The following MBNL2 variants were observed in gnomAD, a reference collection of about 807,000 sequenced individuals.
MBNL2 encodes the protein muscleblind like splicing regulator 2, also known as muscleblind-like protein 2.
A neutral mutation model predicts 41.9 loss-of-function variants in MBNL2; 17 were observed. The ratio of observed to expected loss-of-function variants is 0.41; its 90% CI spans 0.28 to 0.61. MBNL2 has a LOEUF of 0.61. Ranked by LOEUF, MBNL2 falls within the 20% of genes least tolerant of loss-of-function variation. The probability of loss-of-function intolerance (pLI) is 0.35; values close to 1 mark genes in which losing one functional copy is unlikely to be tolerated. For missense variants in MBNL2, 336 were observed against 505.6 expected, an observed-to-expected ratio of 0.66 and a Z score of 3.22; for synonymous variants, 195 against 182.9, an observed-to-expected ratio of 1.07 and a Z score of -0.53.
rs191043483 is a variant in MBNL2, at chr13:97,367,389, C to T, written c.1048+2218C>T. On this transcript the variant is annotated intron_variant, in intron 8 of 8. Coordinates refer to ENST00000679496, the MANE Select transcript of MBNL2 (RefSeq NM_001382683.1). ...CCTCGCCTGGAAGAATACTTCATTG[C>T]GCATGCCCTCCCTTCACAGAAGAAC... Among the ~76,000 whole-genome samples the T allele has an allele frequency of 5.5e-4, 83 of 152,260 alleles. No individual in the cohort carries two copies. The East Asian group carries it at 0.013, about 24-fold the overall frequency.
At chr13:97,271,534 G>A (rs750391607) in intron 1 of MBNL2, among the ~76,000 whole-genome samples, 85 of 151,834 alleles carry the variant, frequency 5.6e-4, no homozygotes, top group African/African-American at 9.7e-4. Flanking sequence ...CGTGTGCCAC[G>A]GTGGTTTGCT....
the MBNL2 span, among the ~76,000 whole-genome samples, chr13:97,206,857 C>T: frequency 6.6e-6 from 1 of 152,108 alleles, no homozygotes; most frequent in Non-Finnish European, 1.5e-5. Context: ...TCAAAGTCTG[C>T]AATATGGGTT....
At chr13:97,378,057 C>G (rs898544361) in intron 8 of MBNL2, among the ~76,000 whole-genome samples, 1 of 146,906 alleles carries the variant, frequency 6.8e-6, no homozygotes, top group African/African-American at 2.7e-5. Context: ...GCACACTGAT[C>G]TAAGAATTAT....
intron 3 of MBNL2, among the ~76,000 whole-genome samples, chr13:97,342,278 T>C (rs932513799): frequency 6.6e-6 from 1 of 152,168 alleles, no homozygotes; most frequent in South Asian, 2.1e-4. Flanking sequence ...GAGAACAAAT[T>C]TAATAAGATT....
chr13:97,293,454 A>G (rs1232442559), intron 2 of MBNL2, among the ~76,000 whole-genome samples: 4 of 152,188 alleles, frequency 2.6e-5, no homozygotes, highest in East Asian at 1.9e-4. Context: ...ATGATGATCA[A>G]TGTTTGTACC....
the MBNL2 span, among the ~76,000 whole-genome samples, chr13:97,200,300 C>T: frequency 6.6e-6 from 1 of 152,178 alleles, no homozygotes; most frequent in Non-Finnish European, 1.5e-5. Context: ...GTCGATTAGC[C>T]TCATCATGCA....
intron 1 of MBNL2, among the ~76,000 whole-genome samples, chr13:97,223,454 T>C (rs2041107877): frequency 6.6e-6 from 1 of 152,238 alleles, no homozygotes; most frequent in Admixed American, 6.5e-5. Flanking sequence ...CTGCCAGGCA[T>C]GAGGAAACTG....
At chr13:97,191,129 A>G in the MBNL2 span, among the ~76,000 whole-genome samples, 19 of 151,992 alleles carry the variant, frequency 1.3e-4, no homozygotes, top group African/African-American at 4.6e-4. Flanking sequence ...CCCTATGTAG[A>G]AAGACTTTTT....
Position 97,276,293 on chromosome 13 carries a change from A to C in MBNL2, c.58A>C (p.Arg20=). The change falls in exon 2 of 9, where the codon AGA becomes CGA. Residue 20 remains arginine (R), a synonymous_variant. Coordinates refer to ENST00000679496, the MANE Select transcript of MBNL2 (RefSeq NM_001382683.1). The stretch of plus-strand genomic sequence containing the variant: ...AAAATGGCTGACATTAGAAGTCTGC[A>C]GACAGTTTCAAAGAGGAACATGCTC... The part of the protein sequence containing the change: ...DTKWLTLEVC[R]QFQRGTCSRS... 1 of 1,614,024 alleles carries C rather than the reference A, an allele frequency of 6.2e-7. No individual in the cohort carries two copies. The highest frequency in any genetic ancestry group is 8.5e-7 in the Non-Finnish European group (1 of 1,179,876).
intron 2 of MBNL2, among the ~76,000 whole-genome samples, chr13:97,327,917 A>G (rs1250773436): frequency 3.3e-5 from 5 of 152,220 alleles, no homozygotes; most frequent in Non-Finnish European, 7.3e-5. Flanking sequence ...TGTCAATAGT[A>G]ATAGTGATGA....
At position 97,357,494 on chromosome 13, in the gene MBNL2, G is replaced by C; in HGVS notation, c.871G>C (p.Gly291Arg). ...EATVDLAFPP[G>R]ALHPLPKRQA... is the part of the protein sequence containing the mutation. ...TCTTCATTTCTAGGCCTTTCCCCCTGGTGCTCTTCATCCTTTACCAAAGAG... is the reference window on the plus strand; with the variant it reads ...TCTTCATTTCTAGGCCTTTCCCCCTCGTGCTCTTCATCCTTTACCAAAGAG... Residue 291 changes from glycine (G) to arginine (R), a missense_variant, in exon 7 of 9, where the codon GGT becomes CGT. Gly to Arg is a moderately radical substitution (Grantham distance 125). Transcript: ENST00000679496. The C allele has an allele frequency of 6.2e-7, 1 of 1,613,914 alleles. No homozygotes were observed.
At chr13:97,202,951 G>A in the MBNL2 span, among the ~76,000 whole-genome samples, 1 of 152,160 alleles carries the variant, frequency 6.6e-6, no homozygotes, top group Non-Finnish European at 1.5e-5. Context: ...ATTGCTCAGT[G>A]TTGACTCCCC....
chr13:97,223,211 A>G (rs2152761579), intron 1 of MBNL2, among the ~76,000 whole-genome samples: 1 of 152,324 alleles, frequency 6.6e-6, no homozygotes, highest in African/African-American at 2.4e-5. Context: ...GCTTACTGCA[A>G]TTATCTGATC....
chr13:97,166,041 G>T, the MBNL2 span, among the ~76,000 whole-genome samples: 2 of 152,164 alleles, frequency 1.3e-5, no homozygotes, highest in East Asian at 1.9e-4. Flanking sequence ...GTGGAGCATG[G>T]TTGCTATGCA....
chr13:97,193,166 G>A, the MBNL2 span, among the ~76,000 whole-genome samples: 1 of 152,244 alleles, frequency 6.6e-6, no homozygotes, highest in African/African-American at 2.4e-5. Flanking sequence ...AGTCAGAAGT[G>A]AAGAAAAGAG....
rs191107272 is a variant in MBNL2, at chr13:97,287,269, C to T, written c.174+10860C>T. Among the ~76,000 whole-genome samples, 43 of 152,210 alleles carry T rather than the reference C, an allele frequency of 2.8e-4. No homozygotes were observed. In the Middle Eastern group the frequency reaches 0.014, roughly 48 times the overall value. ...GGATCGGCTTGTTGGGAAACTTCATCGTTCCCAAAAACTTGGCCCTAGACT... is the reference window on the plus strand; with the variant it reads ...GGATCGGCTTGTTGGGAAACTTCATTGTTCCCAAAAACTTGGCCCTAGACT... On this transcript the variant is annotated intron_variant, in intron 2 of 8. Coordinates refer to ENST00000679496, the MANE Select transcript of MBNL2 (RefSeq NM_001382683.1).
chr13:97,356,102 T>A (rs1466546592), intron 5 of MBNL2, among the ~76,000 whole-genome samples: 1 of 152,194 alleles, frequency 6.6e-6, no homozygotes, highest in Non-Finnish European at 1.5e-5. Flanking sequence ...GGCACTAAAT[T>A]TGGAACTTTA....
Position 97,391,457 on chromosome 13 carries a change from T to C in MBNL2, c.*8T>C, listed in dbSNP as rs1293799124. ...CCACAAACTGCATGCTAAATAAAGA[T>C]GTAGTTCTTCTGGACAGACCACAAC... On this transcript the variant is annotated 3_prime_UTR_variant, in exon 9 of 9. Transcript: ENST00000679496. 9.1e-7 allele frequency: 1 copy of C among 1,093,464 alleles called. No homozygotes were observed. Among genetic ancestry groups the C allele is most frequent in the African/African-American group, 1.5e-5 (1 of 65,142 alleles). The allele number at this position is 1,093,464 out of a possible 1,614,324, so 67.7% of individuals were successfully genotyped here.
At chr13:97,236,597 A>G (rs1183295600) in intron 1 of MBNL2, among the ~76,000 whole-genome samples, 3 of 151,244 alleles carry the variant, frequency 2.0e-5, no homozygotes, top group Admixed American at 6.6e-5. Flanking sequence ...AGTTCGTGGG[A>G]AGGTAGTCCT....
Sources: allele counts gnomAD v4.1 joint callset (sites outside exome capture counted in the v4.1 genomes callset), GRCh38; gene constraint gnomAD v4.1.1; transcripts MANE v1.5; gene names NCBI Gene and HGNC (gene_info 2026-07-23, HGNC 2026-07-21).